Variants in STXBP5L observed in about 807,000 individuals in gnomAD.
STXBP5L encodes syntaxin binding protein 5L.
A neutral mutation model predicts 144.5 loss-of-function variants in STXBP5L; 65 were observed. That is an observed-to-expected ratio of 0.45 (90% CI 0.37 to 0.55). The LOEUF is 0.55. Among genes scored for constraint, STXBP5L ranks in the 20% least tolerant of loss-of-function variants. The pLI is 0.00. For missense variants in STXBP5L, 1,298 were observed against 1,405.5 expected (o/e 0.92, Z 1.22); for synonymous variants, 505 against 469.6 (o/e 1.08, Z -0.97).
intron 20 of STXBP5L, among the ~76,000 whole-genome samples, chr3:121,327,651 A>G (rs947608601): frequency 6.6e-6 from 1 of 152,156 alleles, no homozygotes; most frequent in Non-Finnish European, 1.5e-5. Flanking sequence ...TTCTTTTTTT[A>G]GTCATATTTA....
At chr3:121,094,545 T>G (rs977729921) in intron 5 of STXBP5L, among the ~76,000 whole-genome samples, 1 of 152,038 alleles carries the variant, frequency 6.6e-6, no homozygotes, top group Non-Finnish European at 1.5e-5. Flanking sequence ...TTTGTCCCTT[T>G]TGATCTTTGT....
At position 121,100,935 on chromosome 3, in the gene STXBP5L, T is replaced by C. The variant is rs553704859; in HGVS notation, c.471-13990T>C. Among the ~76,000 whole-genome samples, 4 of 151,634 alleles carry C rather than the reference T, an allele frequency of 2.6e-5. No homozygotes were observed. In the South Asian group the frequency reaches 8.3e-4, roughly 32 times the overall value. ...CATTATAACTGATCCCACAAAAACA[T>C]AAAATATCCTCCAAGACTGCTATGA... On this transcript the variant is annotated intron_variant, in intron 5 of 26. Coordinates refer to ENST00000471454, the MANE Select transcript of STXBP5L (RefSeq NM_001308330.2).
intron 9 of STXBP5L, among the ~76,000 whole-genome samples, chr3:121,193,451 AC>A (rs899841973): frequency 1.7e-4 from 25 of 150,994 alleles, no homozygotes; most frequent in African/African-American, 5.4e-4. Context: ...ATACCATTTG[AC>A]CCAGCCATCC....
At chr3:121,091,561 G>C (rs536997514) in intron 5 of STXBP5L, among the ~76,000 whole-genome samples, 1 of 152,188 alleles carries the variant, frequency 6.6e-6, no homozygotes, top group South Asian at 2.1e-4. Flanking sequence ...GTGTTTTTTG[G>C]CTGCATAAAT....
chr3:121,306,725 A>G (rs1221203978), intron 19 of STXBP5L, among the ~76,000 whole-genome samples: 1 of 152,142 alleles, frequency 6.6e-6, no homozygotes, highest in African/African-American at 2.4e-5. Context: ...AACAGACTAG[A>G]CCAGTGAGAA....
chr3:120,987,706 A>T (rs945508980), intron 3 of STXBP5L, among the ~76,000 whole-genome samples: 1 of 151,724 alleles, frequency 6.6e-6, no homozygotes, highest in Non-Finnish European at 1.5e-5. Flanking sequence ...TCCTTTTTTT[A>T]AAAAATAAAA....
intron 14 of STXBP5L, among the ~76,000 whole-genome samples, chr3:121,240,956 T>C (rs1248958531): frequency 2.6e-5 from 4 of 152,242 alleles, no homozygotes; most frequent in Non-Finnish European, 4.4e-5. Flanking sequence ...GGAACAAAAA[T>C]AGAGACATAG....
intron 3 of STXBP5L, among the ~76,000 whole-genome samples, chr3:121,007,150 C>G (rs917816861): frequency 2.6e-5 from 4 of 151,936 alleles, no homozygotes; most frequent in Admixed American, 6.6e-5. Context: ...TGAAATTATA[C>G]TTTTACATTT....
chr3:121,418,243 G>A (rs58185124), intron 25 of STXBP5L, 94 bp from the exon 26 acceptor site: 2 of 1,330,804 alleles, frequency 1.5e-6, no homozygotes, highest in East Asian at 2.5e-5. Context: ...AATTATGACA[G>A]TAGAATGTAA....
intron 20 of STXBP5L, among the ~76,000 whole-genome samples, chr3:121,354,466 G>A (rs1390622763): frequency 7.1e-6 from 1 of 141,700 alleles, no homozygotes; most frequent in Admixed American, 7.0e-5. Context: ...GATCTTTGTT[G>A]GTTTAAAGTC....
At chr3:121,046,302 A>T (rs1050884841) in intron 5 of STXBP5L, among the ~76,000 whole-genome samples, 9 of 152,156 alleles carry the variant, frequency 5.9e-5, no homozygotes, top group African/African-American at 2.2e-4. Context: ...TGTGTTCATC[A>T]AGGATATTGG....
At chr3:121,299,711 G>C (rs891726179) in intron 19 of STXBP5L, among the ~76,000 whole-genome samples, 1 of 151,926 alleles carries the variant, frequency 6.6e-6, no homozygotes, top group Non-Finnish European at 1.5e-5. Flanking sequence ...AAAAGGCCAG[G>C]CATGGTGGTT....
chr3:121,395,028 G>C (rs1004902381), intron 22 of STXBP5L, among the ~76,000 whole-genome samples: 3 of 151,704 alleles, frequency 2.0e-5, no homozygotes, highest in Admixed American at 2.0e-4. Context: ...TGCCAGAATA[G>C]GGCCCCTTCT....
intron 9 of STXBP5L, 27 bp from the exon 10 acceptor site, chr3:121,205,896 A>T (rs902418980): frequency 1.5e-5 from 18 of 1,219,774 alleles, no homozygotes; most frequent in Non-Finnish European, 1.9e-5. Flanking sequence ...TTTAAATTAG[A>T]TTCAATTAAA....
At chr3:121,020,180 A>G (rs1056030804) in intron 3 of STXBP5L, among the ~76,000 whole-genome samples, 4 of 152,234 alleles carry the variant, frequency 2.6e-5, no homozygotes, top group Non-Finnish European at 5.9e-5. Flanking sequence ...AAAGAACTTC[A>G]GAACTTGAAG....
chr3:121,193,723 A>T (rs2108178839), intron 9 of STXBP5L, among the ~76,000 whole-genome samples: 1 of 152,290 alleles, frequency 6.6e-6, no homozygotes, highest in East Asian at 1.9e-4. Context: ...TATCACAAGG[A>T]CAGAAAACCA....
At chr3:121,277,658 AT>A (rs1300652444) in intron 18 of STXBP5L, among the ~76,000 whole-genome samples, 1 of 151,250 alleles carries the variant, frequency 6.6e-6, no homozygotes, top group Non-Finnish European at 1.5e-5. Flanking sequence ...TATTTTCCTG[AT>A]TCTTTATATG....
intron 3 of STXBP5L, among the ~76,000 whole-genome samples, chr3:120,968,807 C>A (rs1045530355): frequency 6.6e-6 from 1 of 152,066 alleles, no homozygotes; most frequent in Non-Finnish European, 1.5e-5. Context: ...ATATTTGATT[C>A]TTTATTCCTG....
chr3:121,194,517 A>C (rs998052812), intron 9 of STXBP5L, among the ~76,000 whole-genome samples: 1 of 151,968 alleles, frequency 6.6e-6, no homozygotes, highest in Non-Finnish European at 1.5e-5. Flanking sequence ...GCCTTGAAAA[A>C]AAAAAAGTAA....
Sources: gnomAD v4.1 joint callset for allele counts (sites outside exome capture counted in the v4.1 genomes callset) on GRCh38, gnomAD v4.1.1 for gene constraint, MANE v1.5 for transcripts, NCBI Gene and HGNC (gene_info 2026-07-23, HGNC 2026-07-21) for gene names.